DLG2: variants seen among roughly 807,000 people sequenced by gnomAD.
DLG2 encodes the protein discs large MAGUK scaffold protein 2.
Under a neutral mutation model 132.5 loss-of-function variants are expected in DLG2, and 45 were observed. The ratio of observed to expected loss-of-function variants is 0.34; its 90% CI spans 0.27 to 0.44. The LOEUF (loss-of-function observed/expected upper bound fraction) is 0.44, where lower values mean the gene tolerates loss of function less well. DLG2 is among the 20% of genes least tolerant of loss of function. DLG2 has a pLI of 1.00. For missense variants in DLG2, 1,045 were observed against 1,196.9 expected (o/e 0.87, Z 1.87); for synonymous variants, 424 against 419.6 (o/e 1.01, Z -0.13).
chr11:84,354,719 C>T (rs2098600620), intron 7 of DLG2, among the ~76,000 whole-genome samples: 1 of 152,130 alleles, frequency 6.6e-6, no homozygotes, highest in Non-Finnish European at 1.5e-5. Context: ...AGAGTCAGCT[C>T]CCTAAAGAGT....
At chr11:85,541,624 G>T (rs1199484813) in intron 3 of DLG2, among the ~76,000 whole-genome samples, 1 of 151,876 alleles carries the variant, frequency 6.6e-6, no homozygotes, top group African/African-American at 2.4e-5. Context: ...TTTGCTGATT[G>T]TTTATGGAAC....
intron 9 of DLG2, among the ~76,000 whole-genome samples, chr11:84,103,739 T>C (rs983586063): frequency 6.6e-6 from 1 of 152,166 alleles, no homozygotes; most frequent in East Asian, 1.9e-4. Flanking sequence ...TTCACAAATA[T>C]AAATATAATG....
intron 6 of DLG2, among the ~76,000 whole-genome samples, chr11:84,699,738 A>G (rs2059013300): frequency 6.6e-6 from 1 of 151,476 alleles, no homozygotes; most frequent in African/African-American, 2.4e-5. Flanking sequence ...CTTGTTTGGT[A>G]TATGCAACTC....
intron 7 of DLG2, among the ~76,000 whole-genome samples, chr11:84,378,543 G>T (rs2098737876): frequency 6.6e-6 from 1 of 152,018 alleles, no homozygotes; most frequent in African/African-American, 2.4e-5. Flanking sequence ...ACTCAATGGG[G>T]GGAAAAATCT....
intron 8 of DLG2, among the ~76,000 whole-genome samples, chr11:84,178,477 T>C (rs921347157): frequency 1.8e-4 from 28 of 152,072 alleles, no homozygotes; most frequent in Admixed American, 1.8e-3. Context: ...AACATATCCC[T>C]GCCTGAATGT....
intron 8 of DLG2, among the ~76,000 whole-genome samples, chr11:84,173,114 T>G (rs1338597144): frequency 6.6e-6 from 1 of 152,212 alleles, no homozygotes; most frequent in African/African-American, 2.4e-5. Context: ...AAAATTGTCT[T>G]GATTAAAGGC....
intron 6 of DLG2, among the ~76,000 whole-genome samples, chr11:84,873,539 C>CAGTAAGCATGTAAGTA (rs2085833263): frequency 6.6e-6 from 1 of 152,164 alleles, no homozygotes; most frequent in Non-Finnish European, 1.5e-5. Context: ...ATAACTAGAG[C>CAGTAAGCATGTAAGTA]AGTAAGCATG....
intron 17 of DLG2, among the ~76,000 whole-genome samples, chr11:83,822,676 G>C (rs1308886087): frequency 6.6e-6 from 1 of 152,196 alleles, no homozygotes; most frequent in Non-Finnish European, 1.5e-5. Context: ...TGACAGCCCA[G>C]CACCCTTAGT....
At chr11:84,373,694 T>C (rs1412523857) in intron 7 of DLG2, among the ~76,000 whole-genome samples, 1 of 152,182 alleles carries the variant, frequency 6.6e-6, no homozygotes, top group Non-Finnish European at 1.5e-5. Flanking sequence ...CGTTGAATTA[T>C]CACATTGTTG....
At chr11:84,333,648 A>C (rs1444045503) in intron 7 of DLG2, among the ~76,000 whole-genome samples, 1 of 152,236 alleles carries the variant, frequency 6.6e-6, no homozygotes, top group Non-Finnish European at 1.5e-5. Flanking sequence ...AACAGTATTC[A>C]CAATAAAACA....
chr11:84,795,468 G>C (rs2074457209), intron 6 of DLG2, among the ~76,000 whole-genome samples: 1 of 152,114 alleles, frequency 6.6e-6, no homozygotes, highest in South Asian at 2.1e-4. Flanking sequence ...CACTCATCAG[G>C]ATGACCTGCC....
intron 6 of DLG2, among the ~76,000 whole-genome samples, chr11:84,616,201 G>A (rs1361074534): frequency 6.6e-6 from 1 of 152,038 alleles, no homozygotes; most frequent in Admixed American, 6.6e-5. Context: ...TTGTAGGAAG[G>A]AAGAGCTTGT....
intron 6 of DLG2, among the ~76,000 whole-genome samples, chr11:84,753,175 T>G (rs1030151071): frequency 6.6e-6 from 1 of 152,176 alleles, no homozygotes; most frequent in African/African-American, 2.4e-5. Context: ...AAGATCAGTG[T>G]GGCTACAGCA....
At chr11:83,850,186 C>T (rs2059477851) in intron 16 of DLG2, among the ~76,000 whole-genome samples, 1 of 134,674 alleles carries the variant, frequency 7.4e-6, no homozygotes, top group Non-Finnish European at 1.6e-5. Flanking sequence ...CGGAGTCTCA[C>T]TCTGTCTCCC....
chr11:84,312,768 T>C (rs1387802247), intron 7 of DLG2, among the ~76,000 whole-genome samples: 1 of 152,176 alleles, frequency 6.6e-6, no homozygotes, highest in African/African-American at 2.4e-5. Flanking sequence ...AGGAGAGATA[T>C]CTACTTTCTT....
At chr11:83,697,259 C>T (rs1454792245) in intron 18 of DLG2, among the ~76,000 whole-genome samples, 1 of 152,126 alleles carries the variant, frequency 6.6e-6, no homozygotes, top group Non-Finnish European at 1.5e-5. Context: ...ATTAAATTTG[C>T]TACTTAAAGA....
rs2099574501 is a variant in DLG2 at position 84,600,494 on chromosome 11, T to C, written c.358-65763A>G. 1.3e-5 allele frequency among the ~76,000 whole-genome samples: 2 copies of C among 152,216 alleles called. 1 individual carries two copies. Among genetic ancestry groups the C allele is most frequent in the South Asian group, 4.1e-4 (2 of 4,828 alleles). ...GGGACAGCAGAAATATTCGACAGAT[T>C]ATTAAATCCAGGATTATTGAGGCTA... On this transcript the variant is annotated intron_variant, in intron 6 of 27. Coordinates refer to ENST00000376104, the MANE Select transcript of DLG2 (RefSeq NM_001142699.3).
chr11:84,377,390 A>C (rs1339021311), intron 7 of DLG2, among the ~76,000 whole-genome samples: 2 of 152,026 alleles, frequency 1.3e-5, no homozygotes, highest in African/African-American at 4.8e-5. Flanking sequence ...TTTGGGCCCA[A>C]ATTTAAACAA....
intron 7 of DLG2, among the ~76,000 whole-genome samples, chr11:84,261,051 A>C (rs2097542517): frequency 6.6e-6 from 1 of 152,200 alleles, no homozygotes; most frequent in Non-Finnish European, 1.5e-5. Flanking sequence ...CTCGTTGCTA[A>C]GCTACTAAAG....
Sources: allele counts gnomAD v4.1 joint callset (sites outside exome capture counted in the v4.1 genomes callset), GRCh38; gene constraint gnomAD v4.1.1; transcripts MANE v1.5; gene names NCBI Gene and HGNC (gene_info 2026-07-23, HGNC 2026-07-21).